Variants in TLE3 observed in about 807,000 individuals in gnomAD.
TLE3 encodes TLE family member 3, transcriptional corepressor.
A neutral mutation model predicts 93.0 loss-of-function variants in TLE3; 14 were observed. The ratio of observed to expected loss-of-function variants is 0.15; its 90% confidence interval spans 0.10 to 0.24. The LOEUF (loss-of-function observed/expected upper bound fraction) is 0.24, where lower values mean the gene tolerates loss of function less well. Among genes scored for constraint, TLE3 ranks in the 10% least tolerant of loss-of-function variants. The probability of loss-of-function intolerance (pLI) is 1.00; values close to 1 mark genes in which losing one functional copy is unlikely to be tolerated. For synonymous variants in TLE3, 451 were observed against 425.0 expected (o/e 1.06, Z -0.75); for missense variants, 693 against 1,046.6 (o/e 0.66, Z 4.66).
intron 19 of TLE3, chr15:70,051,127 G>A (rs1244904571): frequency 2.7e-5 from 9 of 336,580 alleles, no homozygotes; most frequent in African/African-American, 6.4e-5. Flanking sequence ...CTCCAAATCC[G>A]ACAAGCGCCC....
In TLE3 at chr15:70,058,894, G is replaced by C; in HGVS notation, c.766-79C>G. On this transcript the variant is annotated intron_variant, in intron 10 of 19. Transcript: ENST00000451782. The surrounding 1 kb of genome is among the most constrained non-coding windows in gnomAD (Gnocchi z 4.1). ...CTTCCCTGCTCTGGGAGTGGGAAGAGAGAGGGCATGGGCGATGGGAAGACG... is the reference window on the plus strand; with the variant it reads ...CTTCCCTGCTCTGGGAGTGGGAAGACAGAGGGCATGGGCGATGGGAAGACG... The C allele has an allele frequency of 2.7e-6, 4 of 1,456,274 alleles. No individual in the cohort carries two copies. Among genetic ancestry groups the C allele is most frequent in the Non-Finnish European group, 3.6e-6 (4 of 1,105,968 alleles). 90.2% of individuals were successfully genotyped at this position (1,456,274 alleles called of 1,614,324 possible).
chr15:70,051,717 T>C (rs1035456491), intron 18 of TLE3, among the ~76,000 whole-genome samples: 4 of 152,178 alleles, frequency 2.6e-5, no homozygotes, highest in Admixed American at 2.6e-4. Context: ...ATTGCAGTGA[T>C]AACGCTGCCT....
intron 13 of TLE3, 149 bp from the exon 14 acceptor site, chr15:70,056,523 T>A: frequency 1.4e-6 from 1 of 719,672 alleles, no homozygotes; most frequent in East Asian, 2.6e-5. Flanking sequence ...AGCCCATTGA[T>A]TCAGAGGAGA....
Position 70,062,049 on chromosome 15 carries a change from C to T in TLE3, c.595-1400G>A, listed in dbSNP as rs150584807. Among the ~76,000 whole-genome samples the T allele has an allele frequency of 2.7e-3, 407 of 152,292 alleles. 4 individuals are homozygous for T. The highest frequency in any genetic ancestry group is 0.022 in the Admixed American group (333 of 15,306). On this transcript the variant is annotated intron_variant, in intron 8 of 19. Transcript: ENST00000451782. ...TGGGCAGTATTCGGTGGGAATAGTG[C>T]GGCAACCAGCCTCAGAACTTAATTT... is the stretch of plus-strand genomic sequence containing the variant.
At chr15:70,096,497 G>T in intron 1 of TLE3, 2 of 1,186,970 alleles carry the variant, frequency 1.7e-6, no homozygotes, top group African/African-American at 3.1e-5. Flanking sequence ...GTAAGGCGGG[G>T]GCGGGAGACA....
intron 8 of TLE3, 140 bp from the exon 9 acceptor site, chr15:70,060,789 G>T: frequency 6.9e-7 from 1 of 1,447,110 alleles, no homozygotes; most frequent in Non-Finnish European, 9.4e-7. Context: ...TGCAGATCGT[G>T]GCTCCATCAG....
chr15:70,052,955 G>A lies in TLE3; in HGVS notation c.1974+272C>T, dbSNP rs188983692. The A allele has an allele frequency of 1.4e-5, 6 of 431,980 alleles. No homozygotes were observed. The East Asian group carries it at 1.9e-4, about 14-fold the overall frequency. 26.8% of individuals were successfully genotyped at this position (431,980 alleles called of 1,614,324 possible). On this transcript the variant is annotated intron_variant, in intron 17 of 19. Transcript: ENST00000451782. ...AGGGTGCTACTATTATTTCCATCTT[G>A]TGAATGAGGACGCCGAGGACAAAGT...
Position 70,066,023 on chromosome 15 carries a change from C to T in TLE3, c.568G>A (p.Asp190Asn), listed in dbSNP as rs750328039. Residue 190 changes from aspartate to asparagine, a missense_variant, in exon 7 of 20, where the codon GAT (aspartate) becomes AAT (asparagine). By Grantham distance (23) the Asp-to-Asn change is conservative. Transcript: ENST00000451782. ...CCCAGCCCAGCCGCACCTCTGTGAT[C>T]GAGTTCATGGTGGTTCTTCTCATCC... ...VKDEKNHHEL[D>N]HRERESSANN... 1 of 1,483,572 alleles carries T rather than the reference C, an allele frequency of 6.7e-7. No individual in the cohort carries two copies. Among genetic ancestry groups the T allele is most frequent in the Admixed American group, 1.8e-5 (1 of 55,800 alleles). The allele number at this position is 1,483,572 out of a possible 1,614,324, so 91.9% of individuals were successfully genotyped here.
Position 70,096,887 on chromosome 15 carries a change from G to C in TLE3, c.-89C>G, listed in dbSNP as rs761965040. The C allele has an allele frequency of 2.2e-5, 33 of 1,469,700 alleles. No individual in the cohort carries two copies. Among genetic ancestry groups the C allele is most frequent in the Middle Eastern group, 2.4e-4 (1 of 4,198 alleles). 91.0% of individuals were successfully genotyped at this position (1,469,700 alleles called of 1,614,324 possible). A position where few individuals can be genotyped will look rare whatever the true frequency, so the allele number is the denominator to read the frequency against. On this transcript the variant is annotated 5_prime_UTR_variant, in exon 1 of 20. Coordinates refer to ENST00000451782, the MANE Select transcript of TLE3 (RefSeq NM_001105192.3). ...GGGGAGGGGGGAGCCGAGCCCGAGC[G>C]GGGGGCGGCCGGGAAACCGAGAGCT...
In TLE3 at chr15:70,050,397, A is replaced by G. The variant is rs78331436; in HGVS notation, c.2203-193T>C. ...AGGTGGGGGAGGCTTTAAAGCACCC[A>G]TGAAGCATTTTCAGGTAGAGCTCCC... On this transcript the variant is annotated intron_variant, in intron 19 of 19. Transcript: ENST00000451782. 2.5e-3 allele frequency: 1,299 copies of G among 522,180 alleles called. 7 individuals are homozygous for G. The highest frequency in any genetic ancestry group is 0.023 in the African/African-American group (1,202 of 52,284). 32.3% of individuals were successfully genotyped at this position (522,180 alleles called of 1,614,324 possible).
intron 4 of TLE3, among the ~76,000 whole-genome samples, chr15:70,078,215 G>A (rs1157152684): frequency 1.3e-5 from 2 of 152,020 alleles, no homozygotes; most frequent in East Asian, 1.9e-4. Context: ...TTTTTTCCTC[G>A]CCTAAATCAA....
intron 6 of TLE3, among the ~76,000 whole-genome samples, chr15:70,073,783 AG>A (rs2057303716): frequency 6.6e-6 from 1 of 152,324 alleles, no homozygotes; most frequent in African/African-American, 2.4e-5. Flanking sequence ...AAATGTCACT[AG>A]CCTCACACCA....
At chr15:70,050,450 G>A (rs556237617) in intron 19 of TLE3, 74 of 428,990 alleles carry the variant, frequency 1.7e-4, no homozygotes, top group South Asian at 1.7e-3. Flanking sequence ...ATAAGGAAAA[G>A]CTCAGTAACA....
chr15:70,056,187 G>A lies in TLE3; in HGVS notation c.1328+111C>T, dbSNP rs537313233. The A allele has an allele frequency of 6.7e-6, 8 of 1,194,168 alleles. No individual in the cohort carries two copies. In the South Asian group the frequency reaches 8.5e-5, roughly 13 times the overall value. The allele number at this position is 1,194,168 out of a possible 1,614,324, so 74.0% of individuals were successfully genotyped here. A position where few individuals can be genotyped will look rare whatever the true frequency, so the allele number is the denominator to read the frequency against. ...GACAGATACCTTTCCAAAGGGAGGT[G>A]CACCAGGGCAAACCCTTGGTCAGGG... On this transcript the variant is annotated intron_variant, in intron 14 of 19. Coordinates refer to ENST00000451782, the MANE Select transcript of TLE3 (RefSeq NM_001105192.3).
intron 19 of TLE3, chr15:70,050,856 G>A (rs764182649): frequency 5.8e-5 from 9 of 156,014 alleles, no homozygotes; most frequent in South Asian, 1.9e-4. Context: ...AAGAGTGCAC[G>A]TGTGTGTGTG....
At chr15:70,070,240 A>AT (rs2057070979) in intron 6 of TLE3, among the ~76,000 whole-genome samples, 1 of 152,272 alleles carries the variant, frequency 6.6e-6, no homozygotes, top group African/African-American at 2.4e-5. Flanking sequence ...CACACAAGTG[A>AT]TAAGCACCCA....
At position 70,097,841 on chromosome 15, in the gene TLE3, CG is replaced by C. The variant is rs752576927; in HGVS notation, c.-1044del. ...CAAAAAAAAAAGTGCCCCGGACCTA[CG>C]GATACCACACACAGACAGGCGAAGG... On this transcript the variant is annotated 5_prime_UTR_variant, in exon 1 of 20. Coordinates refer to ENST00000451782, the MANE Select transcript of TLE3 (RefSeq NM_001105192.3). 49 of 355,456 alleles carry C rather than the reference CG, an allele frequency of 1.4e-4. 1 individual carries two copies. In the Middle Eastern group the frequency reaches 3.5e-3, roughly 25 times the overall value. The allele number at this position is 355,456 out of a possible 1,614,324, so 22.0% of individuals were successfully genotyped here.
rs2055378486 is a variant in TLE3 at position 70,050,023 on chromosome 15, C to T, written c.*74G>A. The stretch of plus-strand genomic sequence containing the variant: ...CCCATCCTCCGCCATCCTCGGGGCC[C>T]CTCGCCTGGGGGTCTCCCTGTCAGA... On this transcript the variant is annotated 3_prime_UTR_variant, in exon 20 of 20. Coordinates refer to ENST00000451782, the MANE Select transcript of TLE3 (RefSeq NM_001105192.3). 2.9e-6 allele frequency: 4 copies of T among 1,384,428 alleles called. No individual in the cohort carries two copies. The highest frequency in any genetic ancestry group is 2.3e-5 in the South Asian group (2 of 85,230). The allele number at this position is 1,384,428 out of a possible 1,614,324, so 85.8% of individuals were successfully genotyped here.
At chr15:70,071,215 T>A (rs777340906) in intron 6 of TLE3, among the ~76,000 whole-genome samples, 2 of 152,190 alleles carry the variant, frequency 1.3e-5, no homozygotes, top group Non-Finnish European at 2.9e-5. Context: ...CTTGTCCTTC[T>A]AAAGCCCCTC....
Sources: allele counts gnomAD v4.1 joint callset (sites outside exome capture counted in the v4.1 genomes callset), GRCh38; gene constraint gnomAD v4.1.1; non-coding constraint Gnocchi (gnomAD v3.1); transcripts MANE v1.5; gene names NCBI Gene and HGNC (gene_info 2026-07-23, HGNC 2026-07-21).